Variants in BICC1 observed in about 807,000 individuals in gnomAD.
BICC1 encodes BicC family RNA binding protein 1, also known as protein bicaudal C homolog 1.
Under a neutral mutation model 111.0 loss-of-function variants are expected in BICC1, and 43 were observed. The ratio of observed to expected loss-of-function variants is 0.39; its 90% confidence interval spans 0.30 to 0.50. BICC1 has a LOEUF of 0.50. BICC1 is among the 20% of genes least tolerant of loss of function. The pLI is 0.88. For synonymous variants in BICC1, 467 were observed against 434.4 expected (o/e 1.07, Z -0.93); for missense variants, 1,091 against 1,203.2 (o/e 0.91, Z 1.38).
chr10:58,691,003 C>T (rs537988802), intron 2 of BICC1, among the ~76,000 whole-genome samples: 5 of 152,026 alleles, frequency 3.3e-5, no homozygotes, highest in Non-Finnish European at 5.9e-5. Flanking sequence ...TGAGGATAAT[C>T]GACATAAGAA....
chr10:58,648,173 T>C (rs1348693077), intron 2 of BICC1, among the ~76,000 whole-genome samples: 1 of 152,238 alleles, frequency 6.6e-6, no homozygotes, highest in Non-Finnish European at 1.5e-5. Context: ...GTCTGCTCTT[T>C]TGACCAAGAC....
chr10:58,652,975 A>G (rs913355578), intron 2 of BICC1, among the ~76,000 whole-genome samples: 3 of 152,170 alleles, frequency 2.0e-5, no homozygotes, highest in African/African-American at 7.2e-5. Flanking sequence ...CCTTGATACC[A>G]TGTTATATAC....
intron 1 of BICC1, among the ~76,000 whole-genome samples, chr10:58,560,262 T>C (rs549332187): frequency 1.3e-5 from 2 of 152,092 alleles, no homozygotes; most frequent in Admixed American, 1.3e-4. Flanking sequence ...TTTGTTTAAG[T>C]TTTCTATTTC....
chr10:58,626,076 C>A (rs931417540), intron 2 of BICC1, among the ~76,000 whole-genome samples: 4 of 152,154 alleles, frequency 2.6e-5, no homozygotes, highest in African/African-American at 9.6e-5. Flanking sequence ...GTATTTATTT[C>A]AATAGGTAAT....
chr10:58,800,793 A>G (rs750088503), intron 13 of BICC1, 97 bp from the exon 14 acceptor site: 70 of 1,227,662 alleles, frequency 5.7e-5, no homozygotes, highest in Non-Finnish European at 7.0e-5. Context: ...TCATGTCTCC[A>G]TAGAGTAGGG....
chr10:58,721,202 C>T (rs542212615), intron 3 of BICC1, among the ~76,000 whole-genome samples: 1 of 152,248 alleles, frequency 6.6e-6, no homozygotes, highest in Non-Finnish European at 1.5e-5. Flanking sequence ...GGACATTGAC[C>T]CCCAGCAGGA....
chr10:58,777,428 C>T (rs114767350), intron 3 of BICC1, among the ~76,000 whole-genome samples: 61 of 152,286 alleles, frequency 4.0e-4, no homozygotes, highest in African/African-American at 1.4e-3. Flanking sequence ...AAAGCTCTTA[C>T]TTATCTTCCA....
At position 58,573,624 on chromosome 10, in the gene BICC1, C is replaced by A. The variant is rs1250155339; in HGVS notation, c.191-47231C>A. Among the ~76,000 whole-genome samples the A allele has an allele frequency of 2.6e-5, 4 of 152,110 alleles. No individual in the cohort carries two copies. The East Asian group carries it at 7.7e-4, about 29-fold the overall frequency. ...TGTGTAATAACCAAAGCAAATCTCG[C>A]AATGAATTCTGCCTCACATGCAAAC... On this transcript the variant is annotated intron_variant, in intron 1 of 20. Coordinates refer to ENST00000373886, the MANE Select transcript of BICC1 (RefSeq NM_001080512.3).
chr10:58,716,751 T>C (rs1332899468), intron 3 of BICC1, among the ~76,000 whole-genome samples: 2 of 151,628 alleles, frequency 1.3e-5, no homozygotes, highest in Non-Finnish European at 2.9e-5. Flanking sequence ...TCGTATACTT[T>C]TATTTACCTG....
rs533667840 is a variant in BICC1, at chr10:58,732,318, G to A, written c.307+30175G>A. Among the ~76,000 whole-genome samples the A allele has an allele frequency of 4.9e-5, 7 of 143,382 alleles. No homozygotes were observed. In the East Asian group the frequency reaches 1.2e-3, roughly 25 times the overall value. The allele number at this position is 143,382 out of a possible 152,430, so 94.1% of individuals were successfully genotyped here. ...AAGAGAGGAAAGAGAGAGGAGAAGA[G>A]GAGAGAGAGAGAGAAAGAAGAGGAA... is the stretch of plus-strand genomic sequence containing the variant. On this transcript the variant is annotated intron_variant, in intron 3 of 20. Coordinates refer to ENST00000373886, the MANE Select transcript of BICC1 (RefSeq NM_001080512.3).
intron 19 of BICC1, among the ~76,000 whole-genome samples, chr10:58,820,076 CT>C (rs1217207204): frequency 6.6e-6 from 1 of 152,134 alleles, no homozygotes; most frequent in Admixed American, 6.6e-5. Flanking sequence ...TTTTTCTCTT[CT>C]CTGAACAGAT....
intron 19 of BICC1, 66 bp from the exon 20 acceptor site, chr10:58,820,303 A>ACAACAAG: frequency 9.3e-7 from 1 of 1,076,000 alleles, no homozygotes. Context: ...CAACAAGTTG[A>ACAACAAG]TCCTACAGTG....
chr10:58,611,431 T>C (rs1042687217), intron 1 of BICC1, among the ~76,000 whole-genome samples: 1 of 152,036 alleles, frequency 6.6e-6, no homozygotes, highest in Admixed American at 6.6e-5. Context: ...ACGTACAGAC[T>C]TTTATACAGA....
chr10:58,613,751 A>T (rs910700552), intron 1 of BICC1, among the ~76,000 whole-genome samples: 3 of 151,906 alleles, frequency 2.0e-5, no homozygotes, highest in African/African-American at 7.3e-5. Context: ...ACTGTGAAAA[A>T]CTCTCTGGGA....
intron 2 of BICC1, among the ~76,000 whole-genome samples, chr10:58,630,424 T>C (rs981423933): frequency 3.9e-5 from 6 of 152,164 alleles, no homozygotes; most frequent in African/African-American, 1.2e-4. Flanking sequence ...GTTCTTTTCC[T>C]GTTTTTGTTT....
chr10:58,539,656 A>G (rs1279271198), intron 1 of BICC1, among the ~76,000 whole-genome samples: 2 of 151,952 alleles, frequency 1.3e-5, no homozygotes, highest in Non-Finnish European at 2.9e-5. Flanking sequence ...TAAGGCAAAC[A>G]TGGACAAAAT....
chr10:58,757,463 G>C (rs1245614521), intron 3 of BICC1, among the ~76,000 whole-genome samples: 1 of 149,386 alleles, frequency 6.7e-6, no homozygotes, highest in African/African-American at 2.5e-5. Context: ...TAAAGCCTCT[G>C]TGAGACTAGC....
chr10:58,779,425 G>A (rs189447964), intron 3 of BICC1, among the ~76,000 whole-genome samples: 18 of 152,356 alleles, frequency 1.2e-4, no homozygotes, highest in Admixed American at 9.1e-4. Flanking sequence ...AGGAAAGCCA[G>A]TTGTAGATAT....
At chr10:58,601,423 A>C (rs1845036686) in intron 1 of BICC1, among the ~76,000 whole-genome samples, 1 of 151,594 alleles carries the variant, frequency 6.6e-6, no homozygotes, top group Admixed American at 6.6e-5. Flanking sequence ...TCATCTTTTC[A>C]AATGACCTTA....
Sources: gnomAD v4.1 joint callset for allele counts (sites outside exome capture counted in the v4.1 genomes callset) on GRCh38, gnomAD v4.1.1 for gene constraint, MANE v1.5 for transcripts, NCBI Gene and HGNC (gene_info 2026-07-23, HGNC 2026-07-21) for gene names.